The following ABL2 variants were observed in gnomAD, a reference collection of about 807,000 sequenced individuals.
ABL2 encodes the protein tyrosine-protein kinase ABL2.
ABL2 carries 49 observed loss-of-function variants against 107.7 expected under a neutral mutation model. That is an observed-to-expected ratio of 0.45 (90% CI 0.36 to 0.58). The LOEUF is 0.58. Ranked by LOEUF, ABL2 falls within the 20% of genes least tolerant of loss-of-function variation. The pLI, the probability that ABL2 is intolerant of heterozygous loss-of-function variation, is 0.00. For missense variants in ABL2, 1,245 were observed against 1,457.0 expected (o/e 0.85, Z 2.37); for synonymous variants, 549 against 548.6 (o/e 1.00, Z -0.01).
intron 9 of ABL2, among the ~76,000 whole-genome samples, 163 bp downstream of exon 9, chr1:179,114,715 A>G (rs549262704): frequency 2.0e-5 from 3 of 152,324 alleles, no homozygotes; most frequent in South Asian, 4.1e-4. Flanking sequence ...ATAAGATTCA[A>G]TGGTATATGA....
chr1:179,110,565 A>G (rs1653955763), intron 10 of ABL2, 110 bp from the exon 11 acceptor site: 1 of 1,510,706 alleles, frequency 6.6e-7, no homozygotes, highest in Non-Finnish European at 8.8e-7. Context: ...TAGAGTACTA[A>G]AATACATACA....
intron 1 of ABL2, among the ~76,000 whole-genome samples, chr1:179,147,092 G>C (rs778202346): frequency 7.6e-5 from 10 of 132,104 alleles, no homozygotes; most frequent in Non-Finnish European, 1.2e-4. Flanking sequence ...AGTAGGCTAA[G>C]AACATGAACA....
At chr1:179,165,915 C>T (rs889386674) in intron 1 of ABL2, among the ~76,000 whole-genome samples, 1 of 152,096 alleles carries the variant, frequency 6.6e-6, no homozygotes, top group Admixed American at 6.6e-5. Context: ...CCTGTCTCAG[C>T]CTCCCAAGTA....
chr1:179,168,318 C>G (rs1273717999), intron 1 of ABL2, among the ~76,000 whole-genome samples: 1 of 152,200 alleles, frequency 6.6e-6, no homozygotes, highest in East Asian at 1.9e-4. Context: ...TTAGTCATCT[C>G]TAGATTACTG....
intron 8 of ABL2, among the ~76,000 whole-genome samples, chr1:179,115,596 C>T (rs1426954105): frequency 6.6e-6 from 1 of 152,140 alleles, no homozygotes; most frequent in Non-Finnish European, 1.5e-5. Flanking sequence ...ACCCCTTAGT[C>T]ACTGAGAAGA....
intron 1 of ABL2, among the ~76,000 whole-genome samples, chr1:179,160,718 T>C (rs572762225): frequency 2.0e-5 from 3 of 152,330 alleles, no homozygotes; most frequent in Non-Finnish European, 2.9e-5. Context: ...TGACAATTCA[T>C]AATTTTCCAA....
At chr1:179,152,959 A>G (rs1658449752) in intron 1 of ABL2, among the ~76,000 whole-genome samples, 1 of 152,230 alleles carries the variant, frequency 6.6e-6, no homozygotes, top group African/African-American at 2.4e-5. Flanking sequence ...TAACACCCAG[A>G]TATCAAAGAA....
intron 1 of ABL2, among the ~76,000 whole-genome samples, chr1:179,186,160 G>A (rs1660673963): frequency 6.6e-6 from 1 of 151,812 alleles, no homozygotes; most frequent in African/African-American, 2.4e-5. Context: ...CAGGAGAATC[G>A]CTTGAACCTG....
intron 1 of ABL2, among the ~76,000 whole-genome samples, chr1:179,217,131 T>G (rs534633283): frequency 5.3e-4 from 78 of 146,388 alleles, no homozygotes; most frequent in Non-Finnish European, 9.2e-4. Context: ...CCGTCTCTAC[T>G]AAAAATACAA....
chr1:179,179,985 G>A (rs137998428), intron 1 of ABL2, among the ~76,000 whole-genome samples: 436 of 151,582 alleles, frequency 2.9e-3, no homozygotes, highest in Non-Finnish European at 4.4e-3. Flanking sequence ...GGTGGCACAC[G>A]CCTGTCATCC....
At chr1:179,135,665 C>CA (rs1656844565) in intron 1 of ABL2, among the ~76,000 whole-genome samples, 1 of 149,642 alleles carries the variant, frequency 6.7e-6, no homozygotes, top group African/African-American at 2.5e-5. Context: ...GTCAGCCCCC[C>CA]GCCTGGCCAG....
chr1:179,143,132 A>G lies in ABL2; in HGVS notation c.158-9758T>C, dbSNP rs3753529. 9.9e-6 allele frequency: 15 copies of G among 1,520,054 alleles called. No homozygotes were observed. The East Asian group carries it at 3.5e-4, about 35-fold the overall frequency. 94.2% of individuals were successfully genotyped at this position (1,520,054 alleles called of 1,614,324 possible). ...TTCTCTGACAAGCAATACCACATGC[A>G]TGTGACATTTACTCATGTACTCAGT... On this transcript the variant is annotated intron_variant, in intron 1 of 11. Transcript: ENST00000502732.
intron 1 of ABL2, chr1:179,142,841 G>A: frequency 7.0e-7 from 1 of 1,425,254 alleles, no homozygotes; most frequent in Non-Finnish European, 9.5e-7. Context: ...GACAAAAACA[G>A]TAGCAGATAA....
rs114406329 is a variant in ABL2 at position 179,099,727 on chromosome 1, C to T, written c.*7991G>A. 1.6e-3 allele frequency: 367 copies of T among 230,740 alleles called. 1 individual carries two copies. The highest frequency in any genetic ancestry group is 7.7e-3 in the African/African-American group (349 of 45,328). 14.3% of individuals were successfully genotyped at this position (230,740 alleles called of 1,614,324 possible). A position where few individuals can be genotyped will look rare whatever the true frequency, so the allele number is the denominator to read the frequency against. On this transcript the variant is annotated 3_prime_UTR_variant, in exon 12 of 12. Transcript: ENST00000502732. ...TCAACGAGTTTTAAAGAATTGAATC[C>T]GCATGTTTGGGGACAAAGTTCTGTC...
At chr1:179,198,820 C>G (rs897668143) in intron 1 of ABL2, among the ~76,000 whole-genome samples, 3 of 148,638 alleles carry the variant, frequency 2.0e-5, no homozygotes, top group African/African-American at 7.4e-5. Flanking sequence ...GGTATCATGT[C>G]TATAAATTTA....
At chr1:179,124,784 A>G (rs1572646424) in intron 4 of ABL2, among the ~76,000 whole-genome samples, 1 of 152,192 alleles carries the variant, frequency 6.6e-6, no homozygotes, top group African/African-American at 2.4e-5. Flanking sequence ...AACTATACAC[A>G]AACAGAATCA....
In ABL2 at chr1:179,175,466, T is replaced by G. The variant is rs570457666; in HGVS notation, c.158-42092A>C. 5.2e-4 allele frequency among the ~76,000 whole-genome samples: 79 copies of G among 152,316 alleles called. 1 individual carries two copies. Among genetic ancestry groups the G allele is most frequent in the African/African-American group, 1.6e-3 (68 of 41,556 alleles). ...ACTTGGAACTGGCAGAGACCAGACT[T>G]CCATTGCCAAGAATGTTTCACAATA... On this transcript the variant is annotated intron_variant, in intron 1 of 11. Transcript: ENST00000502732.
At chr1:179,131,595 G>A in intron 2 of ABL2, 114 bp from the exon 3 acceptor site, 5 of 1,055,558 alleles carry the variant, frequency 4.7e-6, no homozygotes, top group Non-Finnish European at 7.0e-6. Context: ...GGAAAGAACT[G>A]TACAGTATAA....
At chr1:179,116,202 CATCTCTACTACT>C (rs6143497) in intron 8 of ABL2, among the ~76,000 whole-genome samples, 76,510 of 151,784 alleles carry the variant, frequency 0.5, 19,427 homozygotes, top group Middle Eastern at 0.58. Flanking sequence ...GGCAAAACCT[CATCTCTACTACT>C]ATGACAAAAA....
Sources: gnomAD v4.1 joint callset for allele counts (sites outside exome capture counted in the v4.1 genomes callset) on GRCh38, gnomAD v4.1.1 for gene constraint, MANE v1.5 for transcripts, NCBI Gene and HGNC (gene_info 2026-07-23, HGNC 2026-07-21) for gene names.